Variants in ERP27 observed in about 807,000 individuals in gnomAD.
ERP27 encodes the protein endoplasmic reticulum resident protein 27.
Under a neutral mutation model 27.7 loss-of-function variants are expected in ERP27, and 23 were observed. That is an observed-to-expected ratio of 0.83 (90% confidence interval 0.60 to 1.18). The LOEUF (loss-of-function observed/expected upper bound fraction) is 1.18, where lower values mean the gene tolerates loss of function less well. Ranked by LOEUF, ERP27 falls within the 50% of genes most tolerant of loss-of-function variation. The probability of loss-of-function intolerance (pLI) is 0.00; values close to 1 mark genes in which losing one functional copy is unlikely to be tolerated. For missense variants in ERP27, 363 were observed against 327.9 expected, an observed-to-expected ratio of 1.11 and a Z score of -0.83; for synonymous variants, 159 against 118.3, an observed-to-expected ratio of 1.34 and a Z score of -2.23.
chr12:14,922,767 T>C (rs1160776292), intron 3 of ERP27, among the ~76,000 whole-genome samples: 1 of 152,206 alleles, frequency 6.6e-6, no homozygotes, highest in Non-Finnish European at 1.5e-5. Context: ...CTCATTTTTC[T>C]TACTTCTTAA....
intron 3 of ERP27, among the ~76,000 whole-genome samples, chr12:14,926,463 T>A (rs532193674): frequency 1.3e-5 from 2 of 152,242 alleles, no homozygotes; most frequent in African/African-American, 4.8e-5. Context: ...TATTTAATTA[T>A]GCATTTTCCA....
intron 5 of ERP27, among the ~76,000 whole-genome samples, chr12:14,916,106 C>A (rs1863407074): frequency 6.6e-6 from 1 of 152,050 alleles, no homozygotes; most frequent in Non-Finnish European, 1.5e-5. Context: ...ATCATCTGTA[C>A]AACGAAGTCC....
chr12:14,923,365 TA>T (rs1031584254), intron 3 of ERP27, among the ~76,000 whole-genome samples: 2 of 151,554 alleles, frequency 1.3e-5, no homozygotes, highest in Non-Finnish European at 2.9e-5. Context: ...ATTATCTTAT[TA>T]AAAAAATCTC....
Position 14,917,647 on chromosome 12 carries a change from T to C in ERP27, c.451-344A>G, listed in dbSNP as rs117903731. On this transcript the variant is annotated intron_variant, in intron 4 of 6. Coordinates refer to ENST00000266397, the MANE Select transcript of ERP27 (RefSeq NM_152321.4). ...GAATACCAGCCCCAGTGTAGGGCAC[T>C]CAAGCAGTCCTCTGAGGAGAAACGC... Among the ~76,000 whole-genome samples the C allele has an allele frequency of 9.3e-3, 1,418 of 152,310 alleles. 11 individuals carry two copies. Among genetic ancestry groups the C allele is most frequent in the Non-Finnish European group, 0.016 (1,068 of 68,028 alleles).
At chr12:14,928,967 T>G in intron 3 of ERP27, 1 of 1,535,340 alleles carries the variant, frequency 6.5e-7, no homozygotes, top group Non-Finnish European at 8.7e-7. Context: ...CTGGCAAGTC[T>G]CCTTCATACT....
chr12:14,927,954 A>G (rs1369489133), intron 3 of ERP27, among the ~76,000 whole-genome samples: 1 of 152,130 alleles, frequency 6.6e-6, no homozygotes, highest in Non-Finnish European at 1.5e-5. Context: ...TCAGTTTTCT[A>G]TTTCCTCACC....
chr12:14,920,711 C>A (rs10772817), intron 4 of ERP27, among the ~76,000 whole-genome samples: 97,357 of 152,050 alleles, frequency 0.64, 31,381 homozygotes, highest in East Asian at 0.86. Flanking sequence ...GGTTCTCTTT[C>A]TTACTAGCAG....
chr12:14,938,266 A>T, intron 1 of ERP27, 149 bp downstream of exon 1: 1 of 842,960 alleles, frequency 1.2e-6, no homozygotes, highest in Non-Finnish European at 1.9e-6. Flanking sequence ...AGACTTCCCT[A>T]CTCTCTACCA....
chr12:14,930,630 T>TTAC (rs397731674), intron 3 of ERP27, among the ~76,000 whole-genome samples: 1 of 152,038 alleles, frequency 6.6e-6, no homozygotes, highest in Non-Finnish European at 1.5e-5. Context: ...ATGCAACTTA[T>TTAC]GGTTTCATGA....
intron 4 of ERP27, among the ~76,000 whole-genome samples, chr12:14,919,980 A>G (rs1226447509): frequency 6.6e-6 from 1 of 152,212 alleles, no homozygotes; most frequent in Non-Finnish European, 1.5e-5. Context: ...TGAATGAAAA[A>G]ATGAGGATGA....
At chr12:14,927,494 G>A (rs553492929) in intron 3 of ERP27, among the ~76,000 whole-genome samples, 3 of 93,098 alleles carry the variant, frequency 3.2e-5, no homozygotes, top group African/African-American at 1.0e-4. Flanking sequence ...AAGGGGATGT[G>A]AAAGGTGTTG....
At chr12:14,923,492 A>AATCT (rs61662382) in intron 3 of ERP27, among the ~76,000 whole-genome samples, 16,435 of 141,132 alleles carry the variant, frequency 0.12, 996 homozygotes, top group Admixed American at 0.17. Flanking sequence ...ATCTATAATC[A>AATCT]ATCTATCTAT....
At chr12:14,916,229 C>A (rs191080115) in intron 5 of ERP27, among the ~76,000 whole-genome samples, 1 of 152,076 alleles carries the variant, frequency 6.6e-6, no homozygotes, top group African/African-American at 2.4e-5. Flanking sequence ...ATCCCTTTGA[C>A]GAGATTGATT....
chr12:14,934,786 T>C (rs1863749911), intron 3 of ERP27, 70 bp downstream of exon 3: 2 of 1,578,146 alleles, frequency 1.3e-6, no homozygotes, highest in Admixed American at 3.5e-5. Context: ...TCCTTTCCAG[T>C]CTCACAAGTT....
At chr12:14,929,270 G>A (rs1863661479) in intron 3 of ERP27, 2 of 578,814 alleles carry the variant, frequency 3.5e-6, no homozygotes, top group Non-Finnish European at 5.1e-6. Flanking sequence ...GATGTTAAGT[G>A]GTGATAACAT....
intron 3 of ERP27, among the ~76,000 whole-genome samples, chr12:14,923,925 G>C (rs1374285776): frequency 6.6e-6 from 1 of 152,088 alleles, no homozygotes; most frequent in Non-Finnish European, 1.5e-5. Context: ...TCACCCTACT[G>C]TGCAATAGAA....
At chr12:14,915,183 G>C (rs902095183) in intron 6 of ERP27, among the ~76,000 whole-genome samples, 2 of 152,082 alleles carry the variant, frequency 1.3e-5, no homozygotes, top group African/African-American at 4.8e-5. Context: ...CATGTATACA[G>C]CTTGTAATGA....
intron 3 of ERP27, among the ~76,000 whole-genome samples, chr12:14,930,702 A>G (rs1863685110): frequency 6.6e-6 from 1 of 152,238 alleles, no homozygotes; most frequent in South Asian, 2.1e-4. Flanking sequence ...TTTGGAGAAT[A>G]TTATGTTGCA....
chr12:14,937,459 G>T (rs1863788944), intron 2 of ERP27, among the ~76,000 whole-genome samples: 2 of 152,176 alleles, frequency 1.3e-5, no homozygotes, highest in South Asian at 4.1e-4. Flanking sequence ...TTTCAGACAA[G>T]GCAAAGAGAA....
Sources: gnomAD v4.1 joint callset for allele counts (sites outside exome capture counted in the v4.1 genomes callset) on GRCh38, gnomAD v4.1.1 for gene constraint, MANE v1.5 for transcripts, NCBI Gene and HGNC (gene_info 2026-07-23, HGNC 2026-07-21) for gene names.